Variants in TMEM175 observed in about 807,000 individuals in gnomAD.
TMEM175 encodes the protein transmembrane protein 175.
Under a neutral mutation model 36.5 loss-of-function variants are expected in TMEM175, and 36 were observed. That is an observed-to-expected ratio of 0.99 (90% confidence interval 0.76 to 1.30). TMEM175 has a LOEUF of 1.30. TMEM175 is among the 50% of genes most tolerant of loss of function. TMEM175 has a pLI of 0.00. For synonymous variants in TMEM175, 339 were observed against 313.4 expected (o/e 1.08, Z -0.86); for missense variants, 705 against 692.8 (o/e 1.02, Z -0.20).
chr4:952,362 A>G lies in TMEM175; in HGVS notation c.379-5A>G. ...GGGGGTTTGGTTTTGTTTTTGTTTT[A>G]ACAGTTTTCGTTAATGGTGACCTTC... On this transcript the variant is annotated splice_region_variant and splice_polypyrimidine_tract_variant and intron_variant, in intron 6 of 10. Transcript: ENST00000264771. The G allele has an allele frequency of 1.2e-6, 2 of 1,611,070 alleles. No individual in the cohort carries two copies. The highest frequency in any genetic ancestry group is 1.7e-6 in the Non-Finnish European group (2 of 1,179,752).
At chr4:935,352 A>T (rs1726671066) in intron 1 of TMEM175, among the ~76,000 whole-genome samples, 1 of 152,238 alleles carries the variant, frequency 6.6e-6, no homozygotes, top group African/African-American at 2.4e-5. Flanking sequence ...ACATGTATAT[A>T]TCCAAAACTG....
intron 1 of TMEM175, among the ~76,000 whole-genome samples, chr4:937,226 A>T (rs1023141854): frequency 6.6e-6 from 1 of 152,210 alleles, no homozygotes; most frequent in African/African-American, 2.4e-5. Flanking sequence ...CTCTATGTCT[A>T]TTAAAGCATT....
chr4:956,068 G>A, intron 10 of TMEM175, 178 bp downstream of exon 10: 1 of 853,166 alleles, frequency 1.2e-6, no homozygotes, highest in Non-Finnish European at 1.8e-6. Context: ...AACCTTCCCG[G>A]CGGCCCCTCC....
At chr4:933,172 G>A (rs552873123) in intron 1 of TMEM175, among the ~76,000 whole-genome samples, 3 of 152,292 alleles carry the variant, frequency 2.0e-5, no homozygotes, top group African/African-American at 7.2e-5. Flanking sequence ...CAGTATTTGG[G>A]GGTTGGGAGT....
At chr4:947,642 G>C in intron 1 of TMEM175, 67 bp from the exon 2 acceptor site, 1 of 1,338,636 alleles carries the variant, frequency 7.5e-7, no homozygotes, top group South Asian at 1.4e-5. Context: ...CTGCACCAGG[G>C]CTGAGGCTGC....
chr4:957,968 ACT>A lies in TMEM175; in HGVS notation c.990_991del (p.Phe331ProfsTer41). 1 of 1,612,006 alleles carries A rather than the reference ACT, an allele frequency of 6.2e-7. No homozygotes were observed. The highest frequency in any genetic ancestry group is 8.5e-7 in the Non-Finnish European group (1 of 1,179,748). ...VGLLWFAHHS[L>X]FLHVRKATRA... ...GACTGCTGTGGTTCGCCCACCACTC[ACT>A]CTTCCTGCATGTGCGCAAGGCCACG... On this transcript the variant is annotated frameshift_variant, in exon 11 of 11. Transcript: ENST00000264771. LOFTEE classifies it low-confidence loss of function (END_TRUNC).
rs754815256 is a variant in TMEM175, at chr4:958,365, C to G, written c.1384C>G (p.Leu462Val). The G allele has an allele frequency of 1.2e-6, 2 of 1,603,130 alleles. No homozygotes were observed. Among genetic ancestry groups the G allele is most frequent in the South Asian group, 1.1e-5 (1 of 91,084 alleles). The change falls in exon 11 of 11, where the codon CTG becomes GTG. Residue 462 changes from leucine to valine, a missense_variant. Physicochemically the swap from Leu to Val is conservative, Grantham distance 32. Transcript: ENST00000264771. ...QIAVPCAFLLLRLLVGLALAT... is the reference protein window; with the variant it reads ...QIAVPCAFLLVRLLVGLALAT... ...CGCCGTGCCCTGCGCCTTCCTGTTG[C>G]TGCGCCTGCTCGTGGGCCTGGCCCT...
intron 1 of TMEM175, 93 bp from the exon 2 acceptor site, chr4:947,616 A>C (rs1205032161): frequency 2.1e-6 from 2 of 958,564 alleles, no homozygotes; most frequent in South Asian, 1.7e-5. Flanking sequence ...GCCCCCCCCC[A>C]TACCAGTCCC....
chr4:941,446 T>C (rs540009439), intron 1 of TMEM175, among the ~76,000 whole-genome samples: 113 of 150,418 alleles, frequency 7.5e-4, no homozygotes, highest in African/African-American at 2.6e-3. Flanking sequence ...TTTCTTTTTT[T>C]TTTTTTTCTT....
intron 3 of TMEM175, chr4:948,361 T>C: frequency 6.5e-7 from 1 of 1,533,610 alleles, no homozygotes; most frequent in Non-Finnish European, 8.7e-7. Flanking sequence ...GGTCCTGGCC[T>C]CCTGGGAGGG....
At chr4:935,577 G>A (rs1207735705) in intron 1 of TMEM175, among the ~76,000 whole-genome samples, 1 of 152,210 alleles carries the variant, frequency 6.6e-6, no homozygotes, top group African/African-American at 2.4e-5. Flanking sequence ...ATTGTAGTTG[G>A]AGAATATTCT....
chr4:957,854 G>A lies in TMEM175; in HGVS notation c.873G>A (p.Val291=). ...ACAACGTCCCGGACCCCAAGGATGT[G>A]AAGGAGAGGTTCAGCGGCAGCCTCG... ...CEDNVPDPKD[V]KERFSGSLVA... is the part of the protein sequence containing the mutation. The change falls in exon 11 of 11, where the codon GTG becomes GTA. Residue 291 remains valine (V), a synonymous_variant. Transcript: ENST00000264771. The A allele has an allele frequency of 6.2e-7, 1 of 1,612,180 alleles. No homozygotes were observed. Among genetic ancestry groups the A allele is most frequent in the Non-Finnish European group, 8.5e-7 (1 of 1,179,616 alleles).
At chr4:952,344 T>G in intron 6 of TMEM175, 23 bp from the exon 7 acceptor site, 1 of 1,606,126 alleles carries the variant, frequency 6.2e-7, no homozygotes, top group Non-Finnish European at 8.5e-7. Context: ...TGGGGGGGTT[T>G]GGTTTTGTTT....
chr4:956,908 C>T (rs7437982), intron 10 of TMEM175: 17 of 161,700 alleles, frequency 1.1e-4, no homozygotes, highest in African/African-American at 3.4e-4. Context: ...TCTCTGCTGT[C>T]GTGTGCATTT....
intron 3 of TMEM175, 87 bp downstream of exon 3, chr4:948,241 T>C (rs771580681): frequency 1.2e-6 from 2 of 1,610,804 alleles, no homozygotes; most frequent in Non-Finnish European, 1.7e-6. Flanking sequence ...GTGCTGACCC[T>C]GCACGCCTCG....
chr4:951,586 G>T, intron 5 of TMEM175, 96 bp from the exon 6 acceptor site: 1 of 1,521,856 alleles, frequency 6.6e-7, no homozygotes, highest in South Asian at 1.2e-5. Context: ...TTCTTGGGGA[G>T]GGCCCAGCCC....
chr4:943,762 C>A (rs1316739979), intron 1 of TMEM175, among the ~76,000 whole-genome samples: 3 of 152,164 alleles, frequency 2.0e-5, no homozygotes, highest in Admixed American at 2.0e-4. Flanking sequence ...TACACAAATG[C>A]CTGTGTGCAA....
intron 8 of TMEM175, among the ~76,000 whole-genome samples, chr4:954,480 C>T (rs983980681): frequency 2.6e-5 from 4 of 151,566 alleles, no homozygotes; most frequent in African/African-American, 7.3e-5. Context: ...GTGTAGGTGT[C>T]GTGAGTGGCG....
At chr4:951,556 T>C in intron 5 of TMEM175, 126 bp from the exon 6 acceptor site, 1 of 1,257,080 alleles carries the variant, frequency 8.0e-7, no homozygotes, top group Non-Finnish European at 1.1e-6. Context: ...GGGGCTGGAC[T>C]CACACTCGCT....
Sources: allele counts gnomAD v4.1 joint callset (sites outside exome capture counted in the v4.1 genomes callset), GRCh38; gene constraint gnomAD v4.1.1; transcripts MANE v1.5; gene names NCBI Gene and HGNC (gene_info 2026-07-23, HGNC 2026-07-21).